BRD10: variants seen among roughly 807,000 people sequenced by gnomAD.
BRD10 encodes bromodomain containing 10.
the BRD10 span, among the ~76,000 whole-genome samples, chr9:5,947,637 T>C: frequency 6.6e-5 from 10 of 152,056 alleles, no homozygotes; most frequent in African/African-American, 2.4e-4. Flanking sequence ...ACCCAATATA[T>C]AGAGTCAAAT....
chr9:5,905,883 T>G, the BRD10 span, among the ~76,000 whole-genome samples: 1 of 152,242 alleles, frequency 6.6e-6, no homozygotes, highest in East Asian at 1.9e-4. Flanking sequence ...GTCATTCATA[T>G]CGGCACAGAA....
chr9:6,007,535 T>A, the BRD10 span: 1 of 1,613,098 alleles, frequency 6.2e-7, no homozygotes, highest in Non-Finnish European at 8.5e-7. Flanking sequence ...TCGCCCAGGA[T>A]GCGGTAGCCC....
chr9:5,896,319 T>C, the BRD10 span, among the ~76,000 whole-genome samples: 1 of 152,216 alleles, frequency 6.6e-6, no homozygotes, highest in Non-Finnish European at 1.5e-5. Flanking sequence ...GTAGTCACTA[T>C]GGTTATGGTA....
At chr9:6,003,931 C>T in the BRD10 span, among the ~76,000 whole-genome samples, 1 of 152,214 alleles carries the variant, frequency 6.6e-6, no homozygotes, top group Admixed American at 6.5e-5. Flanking sequence ...ATCCTGTCTA[C>T]TTCCTGAGAT....
At chr9:5,929,241 A>T in the BRD10 span, 1 of 734,088 alleles carries the variant, frequency 1.4e-6, no homozygotes, top group Non-Finnish European at 2.4e-6. Context: ...AAAATACAAA[A>T]ACACCAATAC....
the BRD10 span, among the ~76,000 whole-genome samples, chr9:5,950,617 T>C: frequency 6.6e-6 from 1 of 152,168 alleles, no homozygotes; most frequent in Non-Finnish European, 1.5e-5. Context: ...TATCACATTA[T>C]TTTTATACTA....
the BRD10 span, among the ~76,000 whole-genome samples, chr9:5,954,287 A>C: frequency 6.6e-6 from 1 of 152,340 alleles, no homozygotes; most frequent in South Asian, 2.1e-4. Flanking sequence ...GTTAACAGAC[A>C]TATTAACAAA....
the BRD10 span, among the ~76,000 whole-genome samples, chr9:5,888,745 C>T: frequency 1.3e-5 from 2 of 152,190 alleles, no homozygotes; most frequent in Non-Finnish European, 2.9e-5. Flanking sequence ...CCGAAGAACT[C>T]AACGTCGATC....
At chr9:5,965,489 A>T in the BRD10 span, among the ~76,000 whole-genome samples, 1 of 152,328 alleles carries the variant, frequency 6.6e-6, no homozygotes, top group East Asian at 1.9e-4. Context: ...ACTTCAACTT[A>T]AGGTTTTCTA....
the BRD10 span, among the ~76,000 whole-genome samples, chr9:5,885,406 C>T: frequency 6.0e-5 from 9 of 149,684 alleles, no homozygotes; most frequent in Admixed American, 2.7e-4. Context: ...GTTTCACTCT[C>T]GTTGCCCAGG....
chr9:5,913,523 T>C, the BRD10 span, among the ~76,000 whole-genome samples: 1 of 152,080 alleles, frequency 6.6e-6, no homozygotes. Flanking sequence ...AGCTGTGAAA[T>C]GGAATAAAAA....
the BRD10 span, among the ~76,000 whole-genome samples, chr9:5,989,042 C>G: frequency 1.3e-5 from 2 of 151,844 alleles, no homozygotes; most frequent in African/African-American, 4.8e-5. Flanking sequence ...ACCAGCCTGA[C>G]CAACACGGAG....
At chr9:5,925,514 T>G in the BRD10 span, among the ~76,000 whole-genome samples, 1 of 152,126 alleles carries the variant, frequency 6.6e-6, no homozygotes, top group African/African-American at 2.4e-5. Context: ...ACTGACAGAT[T>G]AGAGTCTTAA....
chr9:5,967,845 T>G, the BRD10 span, among the ~76,000 whole-genome samples: 53 of 152,312 alleles, frequency 3.5e-4, no homozygotes, highest in East Asian at 8.7e-3. Context: ...ATATAAAATG[T>G]CATCTGCTCT....
At chr9:5,921,076 A>T in the BRD10 span, 1 of 1,613,928 alleles carries the variant, frequency 6.2e-7, no homozygotes, top group Non-Finnish European at 8.5e-7. Flanking sequence ...CCACTGATTC[A>T]TTAACAGGGG....
At chr9:5,939,826 C>A in the BRD10 span, among the ~76,000 whole-genome samples, 1 of 152,172 alleles carries the variant, frequency 6.6e-6, no homozygotes, top group Non-Finnish European at 1.5e-5. Context: ...TGTTCAGCAG[C>A]AACATTGGTT....
the BRD10 span, among the ~76,000 whole-genome samples, chr9:5,953,305 CG>C: frequency 3.3e-5 from 5 of 151,910 alleles, no homozygotes; most frequent in Admixed American, 1.3e-4. Flanking sequence ...AATACAAAGA[CG>C]TTTTTAAAGA....
chr9:6,008,002 GAGA>G, the BRD10 span: 1 of 1,265,554 alleles, frequency 7.9e-7, no homozygotes, highest in Non-Finnish European at 9.9e-7. Context: ...GGAGGGGGGA[GAGA>G]AGAGGAGAGC....
At chr9:5,926,615 T>G in the BRD10 span, among the ~76,000 whole-genome samples, 1 of 152,136 alleles carries the variant, frequency 6.6e-6, no homozygotes, top group African/African-American at 2.4e-5. Flanking sequence ...CACTGCAAGC[T>G]CCGCCTCCTG....
Sources: allele counts gnomAD v4.1 joint callset (sites outside exome capture counted in the v4.1 genomes callset), GRCh38; gene constraint gnomAD v4.1.1; transcripts MANE v1.5; gene names NCBI Gene and HGNC (gene_info 2026-07-23, HGNC 2026-07-21).